Variants in SYN3 observed in about 807,000 individuals in gnomAD.
SYN3 encodes synapsin-3.
Under a neutral mutation model 65.8 loss-of-function variants are expected in SYN3, and 35 were observed. The ratio of observed to expected loss-of-function variants is 0.53; its 90% CI spans 0.41 to 0.70. SYN3 has a LOEUF of 0.70. SYN3 is among the 30% of genes least tolerant of loss of function. The pLI is 0.00. For synonymous variants in SYN3, 270 were observed against 292.9 expected, an observed-to-expected ratio of 0.92 and a Z score of 0.80; for missense variants, 680 against 749.0, an observed-to-expected ratio of 0.91 and a Z score of 1.08.
intron 2 of SYN3, among the ~76,000 whole-genome samples, chr22:32,996,008 A>C (rs2052869996): frequency 6.6e-6 from 1 of 151,930 alleles, no homozygotes. Flanking sequence ...CACCAGAAGG[A>C]GGAGGGGAAG....
intron 2 of SYN3, among the ~76,000 whole-genome samples, chr22:33,001,323 G>A (rs535193700): frequency 3.3e-5 from 5 of 152,182 alleles, no homozygotes; most frequent in Non-Finnish European, 7.3e-5. Context: ...GTGGAATAGA[G>A]AGACTGAACA....
chr22:32,724,671 A>T (rs725337), intron 6 of SYN3, among the ~76,000 whole-genome samples: 28,957 of 152,142 alleles, frequency 0.19, 3,723 homozygotes, highest in East Asian at 0.6. Context: ...TGACAGCCAC[A>T]TTGTCACAAA....
At chr22:32,576,516 C>T (rs368573936) in intron 7 of SYN3, among the ~76,000 whole-genome samples, 3 of 152,108 alleles carry the variant, frequency 2.0e-5, no homozygotes, top group East Asian at 1.9e-4. Flanking sequence ...GACTATTTTC[C>T]GTAAGGTATT....
At chr22:32,646,391 C>A (rs2059984236) in intron 6 of SYN3, among the ~76,000 whole-genome samples, 1 of 152,104 alleles carries the variant, frequency 6.6e-6, no homozygotes, top group Non-Finnish European at 1.5e-5. Flanking sequence ...AGAAAATGAA[C>A]CTTAGAAAAA....
At chr22:32,604,838 T>A (rs1207240651) in intron 6 of SYN3, among the ~76,000 whole-genome samples, 1 of 150,472 alleles carries the variant, frequency 6.6e-6, no homozygotes, top group Non-Finnish European at 1.5e-5. Flanking sequence ...ACCCACTCTC[T>A]ACTAAAAATG....
intron 6 of SYN3, among the ~76,000 whole-genome samples, chr22:32,659,910 A>G (rs1281450636): frequency 6.6e-6 from 1 of 152,212 alleles, no homozygotes; most frequent in Non-Finnish European, 1.5e-5. Flanking sequence ...CAATACAGGC[A>G]ATACCTAAAC....
intron 1 of SYN3, among the ~76,000 whole-genome samples, chr22:33,020,846 A>G (rs947424087): frequency 6.6e-6 from 1 of 152,142 alleles, no homozygotes; most frequent in Non-Finnish European, 1.5e-5. Flanking sequence ...TCCAATCCCA[A>G]TTTTGCTATC....
intron 7 of SYN3, among the ~76,000 whole-genome samples, chr22:32,572,523 C>T (rs1343145772): frequency 2.2e-5 from 3 of 139,050 alleles, no homozygotes; most frequent in South Asian, 4.9e-4. Flanking sequence ...TTTCTCTTTC[C>T]TCCCTTCCTT....
chr22:32,558,446 G>A (rs1295300950), intron 7 of SYN3, among the ~76,000 whole-genome samples: 1 of 152,250 alleles, frequency 6.6e-6, no homozygotes, highest in Non-Finnish European at 1.5e-5. Flanking sequence ...AGTAAGTGGA[G>A]GAATGAGGAT....
chr22:32,793,266 G>C (rs1457145501), intron 6 of SYN3, among the ~76,000 whole-genome samples: 2 of 152,182 alleles, frequency 1.3e-5, no homozygotes, highest in African/African-American at 4.8e-5. Context: ...AGGTACTAAG[G>C]AGTCTGATTC....
At chr22:32,535,246 C>T (rs1376277948) in intron 9 of SYN3, among the ~76,000 whole-genome samples, 1 of 152,152 alleles carries the variant, frequency 6.6e-6, no homozygotes, top group East Asian at 1.9e-4. Context: ...GCATGGGAGA[C>T]CAGGGACCTA....
chr22:32,931,396 A>T lies in SYN3; in HGVS notation c.455T>A (p.Val152Glu). 5.0e-6 allele frequency: 8 copies of T among 1,610,768 alleles called. No homozygotes were observed. Among genetic ancestry groups the T allele is most frequent in the Non-Finnish European group, 6.8e-6 (8 of 1,177,038 alleles). ...DMQVVRNGTK[V>E]VSRSFKPDFI... Reference sequence around the variant, plus strand: ...ATATTTTAATCCTACTTACCTCACCACTTTGGTCCCATTTCTCACGACCTG... The same window carrying T: ...ATATTTTAATCCTACTTACCTCACCTCTTTGGTCCCATTTCTCACGACCTG... Residue 152 changes from valine to glutamate, a missense_variant, in exon 4 of 14, where the codon GTG (valine) becomes GAG (glutamate). Coordinates refer to ENST00000358763, the MANE Select transcript of SYN3 (RefSeq NM_003490.4).
Position 32,777,117 on chromosome 22 carries a change from A to C in SYN3, c.711+87798T>G, listed in dbSNP as rs2045925646. 2.0e-5 allele frequency among the ~76,000 whole-genome samples: 3 copies of C among 152,160 alleles called. No individual in the cohort carries two copies. In the South Asian group the frequency reaches 6.2e-4, roughly 32 times the overall value. On this transcript the variant is annotated intron_variant, in intron 6 of 13. Coordinates refer to ENST00000358763, the MANE Select transcript of SYN3 (RefSeq NM_003490.4). ...CAAATTCAGAACCAGTTCCTCCCAG[A>C]ATCACATAATTTCTTTAGCTGTAAT...
At chr22:32,924,633 G>A (rs1487268299) in intron 4 of SYN3, among the ~76,000 whole-genome samples, 1 of 152,178 alleles carries the variant, frequency 6.6e-6, no homozygotes, top group African/African-American at 2.4e-5. Context: ...ATGAAGATCT[G>A]CATTTTAACA....
At chr22:32,898,536 A>G (rs2049664020) in intron 4 of SYN3, among the ~76,000 whole-genome samples, 2 of 152,182 alleles carry the variant, frequency 1.3e-5, no homozygotes, top group Non-Finnish European at 2.9e-5. Flanking sequence ...CCAGCTCCCA[A>G]GGCTTAGTAG....
At chr22:32,935,904 A>G (rs990316974) in intron 3 of SYN3, among the ~76,000 whole-genome samples, 1 of 152,240 alleles carries the variant, frequency 6.6e-6, no homozygotes, top group Non-Finnish European at 1.5e-5. Context: ...TATCTTTAAA[A>G]CAGAGGTAAT....
intron 6 of SYN3, among the ~76,000 whole-genome samples, chr22:32,686,030 C>G (rs901670564): frequency 6.6e-6 from 1 of 152,156 alleles, no homozygotes; most frequent in African/African-American, 2.4e-5. Flanking sequence ...AGGAAACACA[C>G]CCCAATTTCA....
chr22:32,675,403 C>T (rs1406690934), intron 6 of SYN3, among the ~76,000 whole-genome samples: 1 of 152,186 alleles, frequency 6.6e-6, no homozygotes, highest in Non-Finnish European at 1.5e-5. Flanking sequence ...ACATCCTCTC[C>T]TGGAATCAGA....
At chr22:32,741,622 TG>T (rs1410417625) in intron 6 of SYN3, among the ~76,000 whole-genome samples, 1 of 152,080 alleles carries the variant, frequency 6.6e-6, no homozygotes, top group Non-Finnish European at 1.5e-5. Flanking sequence ...CCCAAAGTGC[TG>T]GGATTACATG....
Sources: gnomAD v4.1 joint callset for allele counts (sites outside exome capture counted in the v4.1 genomes callset) on GRCh38, gnomAD v4.1.1 for gene constraint, MANE v1.5 for transcripts, NCBI Gene and HGNC (gene_info 2026-07-23, HGNC 2026-07-21) for gene names.